Variants in DSCAM observed in about 807,000 individuals in gnomAD.
DSCAM encodes the protein cell adhesion molecule DSCAM.
A neutral mutation model predicts 217.7 loss-of-function variants in DSCAM; 47 were observed. That is an observed-to-expected ratio of 0.22 (90% CI 0.17 to 0.28). The LOEUF is 0.28. Among genes scored for constraint, DSCAM ranks in the 10% least tolerant of loss-of-function variants. DSCAM has a pLI of 1.00. For synonymous variants in DSCAM, 1,056 were observed against 1,015.3 expected (o/e 1.04, Z -0.76); for missense variants, 2,080 against 2,618.3 (o/e 0.79, Z 4.49).
intron 6 of DSCAM, among the ~76,000 whole-genome samples, chr21:40,343,828 T>C (rs527315421): frequency 6.6e-6 from 1 of 150,576 alleles, no homozygotes; most frequent in African/African-American, 2.4e-5. Context: ...TTTATTTTAC[T>C]TTATTTTATT....
intron 3 of DSCAM, among the ~76,000 whole-genome samples, chr21:40,607,565 C>A (rs982221399): frequency 7.2e-5 from 11 of 151,846 alleles, no homozygotes; most frequent in African/African-American, 2.7e-4. Context: ...ATAATTCCCA[C>A]GTGTCATGGG....
chr21:40,451,076 AG>A (rs2075715232), intron 3 of DSCAM, among the ~76,000 whole-genome samples: 1 of 152,188 alleles, frequency 6.6e-6, no homozygotes, highest in African/African-American at 2.4e-5. Flanking sequence ...AGTTGGGGGC[AG>A]GAAGGCCAAA....
At chr21:40,651,269 G>A (rs911795205) in intron 3 of DSCAM, among the ~76,000 whole-genome samples, 13 of 152,118 alleles carry the variant, frequency 8.5e-5, no homozygotes, top group Non-Finnish European at 1.3e-4. Context: ...GTTTAACACC[G>A]CAAGGCTTGA....
intron 3 of DSCAM, among the ~76,000 whole-genome samples, chr21:40,629,137 G>C (rs2089652995): frequency 6.7e-6 from 1 of 149,930 alleles, no homozygotes. Flanking sequence ...TTACTCTATG[G>C]CAAGCACTTA....
At chr21:40,510,401 T>C (rs1036775406) in intron 3 of DSCAM, among the ~76,000 whole-genome samples, 1 of 152,246 alleles carries the variant, frequency 6.6e-6, no homozygotes, top group African/African-American at 2.4e-5. Context: ...CATCAATTTT[T>C]AAATAATAAG....
At chr21:40,642,629 C>A (rs971346665) in intron 3 of DSCAM, among the ~76,000 whole-genome samples, 1 of 152,154 alleles carries the variant, frequency 6.6e-6, no homozygotes, top group Non-Finnish European at 1.5e-5. Flanking sequence ...TTCATCCAGG[C>A]TTGAGTGCAG....
Position 40,144,802 on chromosome 21 carries a change from C to A in DSCAM, c.3019-71G>T. On this transcript the variant is annotated intron_variant, in intron 16 of 32. Transcript: ENST00000400454. The surrounding 1 kb of genome is among the most constrained non-coding windows in gnomAD (Gnocchi z 4.8). ...ACAAGAGCGAAATCAACGCCCACACCCACGTAGGAAAGCAGAAATAAAGTG... is the reference window on the plus strand; with the variant it reads ...ACAAGAGCGAAATCAACGCCCACACACACGTAGGAAAGCAGAAATAAAGTG... 1.3e-6 allele frequency: 2 copies of A among 1,591,698 alleles called. No homozygotes were observed. Among genetic ancestry groups the A allele is most frequent in the South Asian group, 1.1e-5 (1 of 89,584 alleles).
intron 2 of DSCAM, among the ~76,000 whole-genome samples, chr21:40,693,182 C>T (rs554313212): frequency 2.0e-5 from 3 of 152,308 alleles, no homozygotes; most frequent in African/African-American, 7.2e-5. Context: ...TGCCTGTAAT[C>T]CCACCACTTT....
chr21:40,719,094 C>T (rs371470745), intron 1 of DSCAM, among the ~76,000 whole-genome samples: 9 of 151,936 alleles, frequency 5.9e-5, no homozygotes, highest in East Asian at 1.9e-4. Flanking sequence ...CCAGCCTGAG[C>T]GACACAGTGA....
intron 4 of DSCAM, among the ~76,000 whole-genome samples, chr21:40,360,528 A>C (rs1034051930): frequency 6.6e-6 from 1 of 152,144 alleles, no homozygotes; most frequent in South Asian, 2.1e-4. Context: ...TGTGTGGTCA[A>C]TATTTAGCTC....
intron 11 of DSCAM, among the ~76,000 whole-genome samples, chr21:40,233,581 T>C (rs1205862620): frequency 6.6e-6 from 1 of 152,276 alleles, no homozygotes; most frequent in East Asian, 1.9e-4. Context: ...TTTGCCCCTA[T>C]GTCCACCTTT....
intron 10 of DSCAM, among the ~76,000 whole-genome samples, chr21:40,285,672 C>T (rs1316641468): frequency 2.0e-5 from 3 of 152,140 alleles, no homozygotes; most frequent in Non-Finnish European, 4.4e-5. Flanking sequence ...CTTTGTGAGG[C>T]CCCTTGTCTC....
At chr21:40,765,795 C>G (rs1489042416) in intron 1 of DSCAM, among the ~76,000 whole-genome samples, 1 of 152,224 alleles carries the variant, frequency 6.6e-6, no homozygotes, top group Non-Finnish European at 1.5e-5. Flanking sequence ...ATTGCATGAT[C>G]AGCGATCAGT....
intron 3 of DSCAM, among the ~76,000 whole-genome samples, chr21:40,687,871 G>A (rs138540239): frequency 2.3e-4 from 35 of 152,258 alleles, no homozygotes; most frequent in African/African-American, 7.7e-4. Context: ...CCTGGGGAGG[G>A]AGTGCTTCTT....
intron 20 of DSCAM, among the ~76,000 whole-genome samples, chr21:40,120,207 C>T (rs982615268): frequency 6.6e-6 from 1 of 152,188 alleles, no homozygotes; most frequent in Non-Finnish European, 1.5e-5. Context: ...CTACTATGTA[C>T]AGGAACTGAA....
chr21:40,408,947 T>C (rs193157739), intron 3 of DSCAM, among the ~76,000 whole-genome samples: 76 of 152,366 alleles, frequency 5.0e-4, no homozygotes, highest in African/African-American at 1.7e-3. Context: ...AATATTATCA[T>C]CTGACCTATC....
At chr21:40,163,885 G>A (rs1161935952) in intron 16 of DSCAM, among the ~76,000 whole-genome samples, 3 of 152,130 alleles carry the variant, frequency 2.0e-5, no homozygotes, top group African/African-American at 2.4e-5. Context: ...TCCTGATAGC[G>A]GGGATGCCAT....
intron 9 of DSCAM, among the ~76,000 whole-genome samples, chr21:40,306,977 C>T (rs1427506866): frequency 6.6e-6 from 1 of 152,058 alleles, no homozygotes; most frequent in Non-Finnish European, 1.5e-5. Context: ...AGGGAGGATT[C>T]CCTCTTTTTC....
At chr21:40,745,531 G>A (rs141177788) in intron 1 of DSCAM, among the ~76,000 whole-genome samples, 4 of 152,234 alleles carry the variant, frequency 2.6e-5, no homozygotes, top group African/African-American at 4.8e-5. Context: ...AAAGAACCTT[G>A]TAGCCAAGAA....
Sources: allele counts gnomAD v4.1 joint callset (sites outside exome capture counted in the v4.1 genomes callset), GRCh38; gene constraint gnomAD v4.1.1; non-coding constraint Gnocchi (gnomAD v3.1); transcripts MANE v1.5; gene names NCBI Gene and HGNC (gene_info 2026-07-23, HGNC 2026-07-21).